The following FSHR variants were observed in gnomAD, a reference collection of about 807,000 sequenced individuals.
FSHR encodes follicle-stimulating hormone receptor.
A neutral mutation model predicts 52.1 loss-of-function variants in FSHR; 46 were observed. The observed-to-expected ratio is 0.88, with a 90% CI of 0.70 to 1.13. The LOEUF is 1.13. Ranked by LOEUF, FSHR falls within the 50% of genes most tolerant of loss-of-function variation. The pLI, the probability that FSHR is intolerant of heterozygous loss-of-function variation, is 0.00. For missense variants in FSHR, 964 were observed against 834.6 expected, an observed-to-expected ratio of 1.16 and a Z score of -1.91; for synonymous variants, 399 against 309.6, an observed-to-expected ratio of 1.29 and a Z score of -3.03.
At chr2:49,104,847 G>C (rs1671165836) in intron 1 of FSHR, among the ~76,000 whole-genome samples, 3 of 141,650 alleles carry the variant, frequency 2.1e-5, no homozygotes, top group Admixed American at 6.9e-5. Flanking sequence ...GTATGGGGTG[G>C]GAAAGAGATG....
At chr2:49,027,781 C>T (rs1009148491) in intron 2 of FSHR, among the ~76,000 whole-genome samples, 1 of 135,656 alleles carries the variant, frequency 7.4e-6, no homozygotes, top group African/African-American at 2.8e-5. Context: ...GCCCAGGAGG[C>T]GGAGGTTGCA....
intron 1 of FSHR, among the ~76,000 whole-genome samples, chr2:49,132,375 C>A (rs1026705291): frequency 3.3e-5 from 5 of 152,164 alleles, no homozygotes; most frequent in Non-Finnish European, 7.4e-5. Context: ...TAAATCTCTT[C>A]TTTCCCTTTA....
intron 1 of FSHR, among the ~76,000 whole-genome samples, chr2:49,079,189 G>T (rs1270281559): frequency 6.6e-6 from 1 of 151,730 alleles, no homozygotes; most frequent in East Asian, 1.9e-4. Context: ...CAGGCTCCAG[G>T]ATTTAGGAGA....
At position 48,982,929 on chromosome 2, in the gene FSHR, G is replaced by A; in HGVS notation, c.651C>T (p.Ala217=). ...CTACTCACAGAATGACTGGTCCAGA[G>A]GCTCCGTGGAAAACATCATTAGGCA... The part of the protein sequence containing the change: ...EELPNDVFHG[A]SGPVILDISR... The change falls in exon 8 of 10, where the codon GCC becomes GCT. Residue 217 remains alanine (A), a synonymous_variant. Coordinates refer to ENST00000406846, the MANE Select transcript of FSHR (RefSeq NM_000145.4). 6.2e-7 allele frequency: 1 copy of A among 1,613,874 alleles called. No individual in the cohort carries two copies. The highest frequency in any genetic ancestry group is 8.5e-7 in the Non-Finnish European group (1 of 1,179,778).
At chr2:49,038,024 A>G (rs1230471373) in intron 2 of FSHR, among the ~76,000 whole-genome samples, 2 of 152,222 alleles carry the variant, frequency 1.3e-5, no homozygotes, top group African/African-American at 4.8e-5. Context: ...ACTAAAAATT[A>G]GACTGGCAGC....
chr2:49,024,908 C>G (rs1667867919), intron 2 of FSHR, among the ~76,000 whole-genome samples: 1 of 152,208 alleles, frequency 6.6e-6, no homozygotes. Flanking sequence ...CCCTCTGTTA[C>G]TGCCCCTTGC....
chr2:49,086,612 C>G (rs929222834), intron 1 of FSHR, among the ~76,000 whole-genome samples: 9 of 152,170 alleles, frequency 5.9e-5, no homozygotes, highest in Non-Finnish European at 1.3e-4. Context: ...GGTGGGTGTG[C>G]TATCAGGCAT....
chr2:49,036,025 A>T (rs1216409689), intron 2 of FSHR, among the ~76,000 whole-genome samples: 2 of 152,216 alleles, frequency 1.3e-5, no homozygotes, highest in Non-Finnish European at 2.9e-5. Flanking sequence ...TTCTTCTCAA[A>T]CCCATGATCG....
intron 1 of FSHR, among the ~76,000 whole-genome samples, chr2:49,108,174 C>G (rs966846284): frequency 4.6e-5 from 7 of 152,102 alleles, no homozygotes; most frequent in Admixed American, 1.3e-4. Flanking sequence ...AGCTGAGACA[C>G]TGGTCTTCTC....
chr2:49,092,633 T>A (rs1670653071), intron 1 of FSHR, among the ~76,000 whole-genome samples: 1 of 152,078 alleles, frequency 6.6e-6, no homozygotes, highest in South Asian at 2.1e-4. Context: ...TAAATTATAG[T>A]GTTTGCTTTT....
chr2:49,023,155 C>G (rs1346179522), intron 2 of FSHR, among the ~76,000 whole-genome samples: 1 of 152,158 alleles, frequency 6.6e-6, no homozygotes, highest in East Asian at 1.9e-4. Flanking sequence ...CTCTGAAAAG[C>G]CCTCCTTTAC....
chr2:49,049,824 AATATATATATATAT>A (rs5831020), intron 2 of FSHR, among the ~76,000 whole-genome samples: 50,984 of 144,858 alleles, frequency 0.35, 9,628 homozygotes, highest in East Asian at 0.49. Flanking sequence ...CCCCTACTCT[AATATATATATATAT>A]ATATATATAT....
rs1667637107 is a variant in FSHR at position 49,020,136 on chromosome 2, C to A, written c.249G>T (p.Leu83Phe). The A allele has an allele frequency of 6.2e-7, 1 of 1,613,546 alleles. No homozygotes were observed. The highest frequency in any genetic ancestry group is 1.3e-5 in the African/African-American group (1 of 74,996). ...AGAACACATCTGCCTCTATCACCTC[C>A]AAGACATCATTCTGAGAGATCTCTC... ...EKIEISQNDV[L>F]EVIEADVFSN... The change falls in exon 3 of 10, where the codon TTG becomes TTT. Residue 83 changes from leucine (L) to phenylalanine (F), a missense_variant. Physicochemically the swap from Leu to Phe is conservative, Grantham distance 22. Coordinates refer to ENST00000406846, the MANE Select transcript of FSHR (RefSeq NM_000145.4).
intron 8 of FSHR, among the ~76,000 whole-genome samples, chr2:48,974,622 G>GTGTTT (rs1167763458): frequency 6.6e-6 from 1 of 152,188 alleles, no homozygotes; most frequent in Non-Finnish European, 1.5e-5. Flanking sequence ...CTTTGTGGAG[G>GTGTTT]TGTTTACTTA....
intron 9 of FSHR, among the ~76,000 whole-genome samples, chr2:48,965,752 G>C (rs1262802114): frequency 6.6e-6 from 1 of 152,142 alleles, no homozygotes; most frequent in Non-Finnish European, 1.5e-5. Flanking sequence ...TTTAAATATT[G>C]TGCTTCTCTT....
intron 2 of FSHR, among the ~76,000 whole-genome samples, chr2:49,037,767 A>T (rs72877841): frequency 0.026 from 3,898 of 152,290 alleles, 166 homozygotes; most frequent in African/African-American, 0.09. Context: ...GTTAAATTGG[A>T]AAGACAAGTA....
chr2:48,972,246 A>G (rs1056065491), intron 8 of FSHR, among the ~76,000 whole-genome samples: 1 of 152,120 alleles, frequency 6.6e-6, no homozygotes. Context: ...TCTCAGAAAA[A>G]CTTCTTGACT....
At chr2:49,129,645 G>A (rs1010790014) in intron 1 of FSHR, among the ~76,000 whole-genome samples, 1 of 152,102 alleles carries the variant, frequency 6.6e-6, no homozygotes. Flanking sequence ...CTGACTGGGG[G>A]CTCCAAATCT....
At chr2:48,989,854 G>A (rs759944132) in intron 5 of FSHR, among the ~76,000 whole-genome samples, 1 of 152,062 alleles carries the variant, frequency 6.6e-6, no homozygotes, top group Non-Finnish European at 1.5e-5. Flanking sequence ...TCCCTGTTAG[G>A]TCTGATCTAA....
Sources: gnomAD v4.1 joint callset for allele counts (sites outside exome capture counted in the v4.1 genomes callset) on GRCh38, gnomAD v4.1.1 for gene constraint, MANE v1.5 for transcripts, NCBI Gene and HGNC (gene_info 2026-07-23, HGNC 2026-07-21) for gene names.